Variants in TPTE observed in about 807,000 individuals in gnomAD.
The protein encoded by TPTE is putative tyrosine-protein phosphatase TPTE.
TPTE carries 59 observed loss-of-function variants against 84.1 expected under a neutral mutation model. That is an observed-to-expected ratio of 0.70 (90% CI 0.57 to 0.87). The LOEUF is 0.87. TPTE is among the 40% of genes least tolerant of loss of function. The pLI, the probability that TPTE is intolerant of heterozygous loss-of-function variation, is 0.00. For missense variants in TPTE, 382 were observed against 659.6 expected, an observed-to-expected ratio of 0.58 and a Z score of 4.61; for synonymous variants, 130 against 223.5, an observed-to-expected ratio of 0.58 and a Z score of 3.73.
Position 10,571,109 on chromosome 21 carries a change from G to A in TPTE, c.795+560G>A, listed in dbSNP as rs1236062485. On this transcript the variant is annotated intron_variant, in intron 14 of 23. Coordinates refer to ENST00000618007, the MANE Select transcript of TPTE (RefSeq NM_199261.4). Reference sequence around the variant, plus strand: ...TGCTGTTGGCAATACCCCATAACTAGCAAAGCCACTGCAGCTAGCATGCAT... The same window carrying A: ...TGCTGTTGGCAATACCCCATAACTAACAAAGCCACTGCAGCTAGCATGCAT... Among the ~76,000 whole-genome samples, 5 of 152,428 alleles carry A rather than the reference G, an allele frequency of 3.3e-5. No homozygotes were observed. In the East Asian group the frequency reaches 5.8e-4, roughly 18 times the overall value.
intron 14 of TPTE, among the ~76,000 whole-genome samples, chr21:10,572,098 T>A (rs1337670985): frequency 6.6e-6 from 1 of 152,268 alleles, no homozygotes; most frequent in Non-Finnish European, 1.5e-5. Flanking sequence ...TCAAATAGAT[T>A]CAACCCAAAA....
chr21:10,585,295 G>GT (rs112888884), intron 17 of TPTE, among the ~76,000 whole-genome samples: 2,257 of 146,214 alleles, frequency 0.015, no homozygotes, highest in South Asian at 0.048. Context: ...CTTGCTAAGA[G>GT]TTTTTTTTTT....
chr21:10,553,992 A>G (rs1250360801), intron 8 of TPTE, among the ~76,000 whole-genome samples: 1 of 152,310 alleles, frequency 6.6e-6, no homozygotes, highest in Non-Finnish European at 1.5e-5. Flanking sequence ...ATCTGAAAAT[A>G]CAATCAACAA....
intron 8 of TPTE, among the ~76,000 whole-genome samples, chr21:10,557,157 A>G (rs1185154755): frequency 6.6e-6 from 1 of 152,306 alleles, no homozygotes; most frequent in East Asian, 1.9e-4. Context: ...CACTTTGAGT[A>G]ATTGTTTTTA....
chr21:10,541,082 G>C (rs770861296), intron 4 of TPTE, 30 bp from the exon 5 acceptor site: 2 of 1,612,384 alleles, frequency 1.2e-6, no homozygotes, highest in South Asian at 2.2e-5. Context: ...TTACGCATTG[G>C]GTCTGACTCT....
rs1600900111 is a variant in TPTE at position 10,559,277 on chromosome 21, C to G, written c.234-217C>G. ...ATGCAATGGAAATGTTACTAAACAT[C>G]CAAACTTTACTGTCTTCTGGATAGC... On this transcript the variant is annotated intron_variant, in intron 8 of 23. Transcript: ENST00000618007. Among the ~76,000 whole-genome samples the G allele has an allele frequency of 7.9e-5, 12 of 152,410 alleles. No individual in the cohort carries two copies. In the South Asian group the frequency reaches 2.3e-3, roughly 29 times the overall value.
intron 3 of TPTE, among the ~76,000 whole-genome samples, chr21:10,528,590 C>T (rs550969538): frequency 6.6e-6 from 1 of 152,310 alleles, no homozygotes; most frequent in African/African-American, 2.4e-5. Context: ...TTACATAGAG[C>T]TTTATAATAA....
Position 10,580,175 on chromosome 21 carries a change from G to A in TPTE, c.1027+1570G>A, listed in dbSNP as rs534278622. 3.9e-5 allele frequency among the ~76,000 whole-genome samples: 6 copies of A among 152,400 alleles called. No homozygotes were observed. The East Asian group carries it at 1.2e-3, about 29-fold the overall frequency. The stretch of plus-strand genomic sequence containing the variant: ...TCTTCTGTTGAGAAATATCTTTTCA[G>A]GTTCTTTGCCCATTTTCTAGAGAAG... On this transcript the variant is annotated intron_variant, in intron 17 of 23. Coordinates refer to ENST00000618007, the MANE Select transcript of TPTE (RefSeq NM_199261.4).
At chr21:10,540,251 A>G (rs1048591808) in intron 4 of TPTE, among the ~76,000 whole-genome samples, 1 of 152,308 alleles carries the variant, frequency 6.6e-6, no homozygotes, top group African/African-American at 2.4e-5. Context: ...ACACATACAT[A>G]CATGCATTCG....
chr21:10,523,801 G>C (rs1399701619), intron 1 of TPTE, among the ~76,000 whole-genome samples: 1 of 152,298 alleles, frequency 6.6e-6, no homozygotes, highest in East Asian at 1.9e-4. Flanking sequence ...ATAGTCCTTT[G>C]GGTATATACC....
At chr21:10,545,719 A>G (rs538706714) in intron 7 of TPTE, among the ~76,000 whole-genome samples, 103 of 151,336 alleles carry the variant, frequency 6.8e-4, no homozygotes, top group African/African-American at 2.5e-3. Flanking sequence ...TATATGTAAT[A>G]TATATAGATA....
chr21:10,544,916 G>A (rs2074436883), intron 7 of TPTE, among the ~76,000 whole-genome samples: 1 of 152,302 alleles, frequency 6.6e-6, no homozygotes, highest in Non-Finnish European at 1.5e-5. Flanking sequence ...GATTCATTAA[G>A]TTTTTTTCAC....
At chr21:10,530,097 C>T (rs1421480684) in intron 3 of TPTE, among the ~76,000 whole-genome samples, 42 of 152,268 alleles carry the variant, frequency 2.8e-4, no homozygotes, top group African/African-American at 8.0e-4. Flanking sequence ...CATATTTGGC[C>T]AGTGGGACTC....
chr21:10,573,794 G>A (rs1292869971), intron 14 of TPTE, among the ~76,000 whole-genome samples: 4 of 152,302 alleles, frequency 2.6e-5, no homozygotes, highest in Admixed American at 1.3e-4. Flanking sequence ...ATGGCCCCAT[G>A]TGGTCTCTCA....
chr21:10,523,024 ATT>A (rs2074010990), intron 1 of TPTE, among the ~76,000 whole-genome samples: 1 of 152,312 alleles, frequency 6.6e-6, no homozygotes, highest in African/African-American at 2.4e-5. Context: ...GAAATTTAAT[ATT>A]GTTTAGAAAA....
At chr21:10,569,894 G>C in intron 13 of TPTE, 148 bp downstream of exon 13, 1 of 1,565,728 alleles carries the variant, frequency 6.4e-7, no homozygotes, top group African/African-American at 1.4e-5. Context: ...CATATTTGTG[G>C]TTTAGCCCTG....
intron 4 of TPTE, among the ~76,000 whole-genome samples, chr21:10,539,344 C>A (rs1325627612): frequency 6.6e-6 from 1 of 152,312 alleles, no homozygotes; most frequent in Non-Finnish European, 1.5e-5. Context: ...ACAAGCACAC[C>A]ACCTCATTGG....
chr21:10,534,993 G>C (rs1209476625), intron 3 of TPTE, among the ~76,000 whole-genome samples: 1 of 152,308 alleles, frequency 6.6e-6, no homozygotes, highest in East Asian at 1.9e-4. Flanking sequence ...CATAGTCCTA[G>C]GGACTAGAAA....
At chr21:10,528,913 A>G (rs2074128790) in intron 3 of TPTE, among the ~76,000 whole-genome samples, 1 of 152,308 alleles carries the variant, frequency 6.6e-6, no homozygotes, top group Admixed American at 6.5e-5. Flanking sequence ...CTGGCTGGGC[A>G]TGGTGGCTCA....
Sources: gnomAD v4.1 joint callset for allele counts (sites outside exome capture counted in the v4.1 genomes callset) on GRCh38, gnomAD v4.1.1 for gene constraint, MANE v1.5 for transcripts, NCBI Gene and HGNC (gene_info 2026-07-23, HGNC 2026-07-21) for gene names.